DAB2IP: variants seen among roughly 807,000 people sequenced by gnomAD.
DAB2IP encodes the protein disabled homolog 2-interacting protein.
Under a neutral mutation model 107.2 loss-of-function variants are expected in DAB2IP, and 28 were observed. The observed-to-expected ratio is 0.26, with a 90% CI of 0.19 to 0.36. DAB2IP has a LOEUF of 0.36. Among genes scored for constraint, DAB2IP ranks in the 10% least tolerant of loss-of-function variants. The pLI is 1.00. For synonymous variants in DAB2IP, 755 were observed against 706.4 expected, an observed-to-expected ratio of 1.07 and a Z score of -1.09; for missense variants, 1,400 against 1,644.7, an observed-to-expected ratio of 0.85 and a Z score of 2.57.
Position 121,638,816 on chromosome 9 carries a change from G to A in DAB2IP, c.41-39862G>A, listed in dbSNP as rs185858741. Among the ~76,000 whole-genome samples, 3 of 152,294 alleles carry A rather than the reference G, an allele frequency of 2.0e-5. No individual in the cohort carries two copies. The East Asian group carries it at 5.8e-4, about 29-fold the overall frequency. ...GAGATGTCAATGAAGGTGATGAGGT[G>A]GACAGCCTCAAGCTGGAATTTGGAG... On this transcript the variant is annotated intron_variant, in intron 1 of 16. Coordinates refer to the DAB2IP transcript ENST00000259371.
chr9:121,737,680 C>T lies in DAB2IP; in HGVS notation c.363-19333C>T, dbSNP rs1017653450. 1.7e-5 allele frequency: 17 copies of T among 985,316 alleles called. No individual in the cohort carries two copies. In the African/African-American group the frequency reaches 2.4e-4, roughly 14 times the overall value. 61.0% of individuals were successfully genotyped at this position (985,316 alleles called of 1,614,324 possible). On this transcript the variant is annotated intron_variant, in intron 3 of 15. Coordinates refer to ENST00000408936, the Ensembl canonical transcript of DAB2IP. ...CTCGGGGGTTGCAAGTGCCCAGAAC[C>T]AGGTCAGCAGAGAGGCCTGCGCTCC...
At chr9:121,693,865 G>C (rs1035502754) in intron 2 of DAB2IP, among the ~76,000 whole-genome samples, 1 of 152,204 alleles carries the variant, frequency 6.6e-6, no homozygotes, top group African/African-American at 2.4e-5. Flanking sequence ...TCAGTGCTTC[G>C]TATTCAGTTG....
rs555996 is a variant in DAB2IP at position 121,634,032 on chromosome 9, C to A, written c.41-44646C>A. The stretch of plus-strand genomic sequence containing the variant: ...CTCTGCCTTGGGCCCTTGTTCGAGA[C>A]TCTCTGTGGAAGCCTATGTGTCCCA... On this transcript the variant is annotated intron_variant, in intron 1 of 16. Coordinates refer to the DAB2IP transcript ENST00000259371. This position sits in a 1 kb window ranked among gnomAD's most constrained non-coding sequence, Gnocchi z 4.7. Among the ~76,000 whole-genome samples the A allele has an allele frequency of 2.0e-5, 3 of 152,014 alleles. No individual in the cohort carries two copies. The highest frequency in any genetic ancestry group is 4.4e-5 in the Non-Finnish European group (3 of 67,994).
rs964005238 is a variant in DAB2IP at position 121,651,969 on chromosome 9, G to A, written c.124+70G>A. On this transcript the variant is annotated intron_variant, in intron 1 of 15. Transcript: ENST00000408936. The surrounding 1 kb of genome is among the most constrained non-coding windows in gnomAD (Gnocchi z 5.1). ...ACTAAGCCACCTGATGCCCTGGGAT[G>A]CTAGGGACCGGGATCCTCCTTCCAG... The A allele has an allele frequency of 1.7e-6, 2 of 1,195,350 alleles. No individual in the cohort carries two copies. Among genetic ancestry groups the A allele is most frequent in the Non-Finnish European group, 1.1e-6 (1 of 949,084 alleles). 74.0% of individuals were successfully genotyped at this position (1,195,350 alleles called of 1,614,324 possible). A position where few individuals can be genotyped will look rare whatever the true frequency, so the allele number is the denominator to read the frequency against.
At chr9:121,725,974 T>C (rs546608892) in intron 3 of DAB2IP, among the ~76,000 whole-genome samples, 4 of 152,166 alleles carry the variant, frequency 2.6e-5, no homozygotes, top group Admixed American at 2.6e-4. Flanking sequence ...CTGGGAAATA[T>C]ATACAGTATT....
At chr9:121,741,125 G>A (rs577523343) in intron 3 of DAB2IP, among the ~76,000 whole-genome samples, 30 of 152,254 alleles carry the variant, frequency 2.0e-4, no homozygotes, top group East Asian at 5.8e-4. Context: ...TCTGATGCTC[G>A]ACACCCCCTC....
rs1033999753 is a variant in DAB2IP, at chr9:121,702,980, A to G, written c.362+3522A>G. ...GGTGCGGAGCTTAGCTCATAAATGC[A>G]GGCAGCTCTGGGGCAGGTAGGCAAG... is the stretch of plus-strand genomic sequence containing the variant. On this transcript the variant is annotated intron_variant, in intron 3 of 15. Transcript: ENST00000408936. The surrounding 1 kb of genome is among the most constrained non-coding windows in gnomAD (Gnocchi z 4.5). 5.3e-5 allele frequency among the ~76,000 whole-genome samples: 8 copies of G among 152,214 alleles called. No homozygotes were observed. Among genetic ancestry groups the G allele is most frequent in the African/African-American group, 1.9e-4 (8 of 41,450 alleles).
chr9:121,785,427 AAT>A (rs1225694503), exon 16 of DAB2IP: 1 of 152,684 alleles, frequency 6.5e-6, no homozygotes, highest in African/African-American at 2.4e-5. Flanking sequence ...TTAACTATGT[AAT>A]AATGTACAGA....
At chr9:121,574,494 A>G (rs1249977287) in intron 1 of DAB2IP, among the ~76,000 whole-genome samples, 9 of 152,146 alleles carry the variant, frequency 5.9e-5, no homozygotes, top group African/African-American at 2.2e-4. Flanking sequence ...AAGTGAAAAA[A>G]TTAGGCCAAG....
intron 11 of DAB2IP, among the ~76,000 whole-genome samples, chr9:121,771,526 C>T (rs1321666423): frequency 2.6e-5 from 4 of 151,936 alleles, no homozygotes; most frequent in Admixed American, 2.6e-4. Flanking sequence ...AGATGCAGGT[C>T]CACTGAGTCT....
chr9:121,720,563 C>A (rs1393917726), intron 3 of DAB2IP, among the ~76,000 whole-genome samples: 2 of 152,172 alleles, frequency 1.3e-5, no homozygotes, highest in Admixed American at 6.5e-5. Context: ...TCACATCTGT[C>A]AGCCAGGGAG....
rs778069876 is a variant in DAB2IP, at chr9:121,725,290, G to A, written c.362+25832G>A. 7.5e-4 allele frequency among the ~76,000 whole-genome samples: 114 copies of A among 152,322 alleles called. 1 individual carries two copies. Among genetic ancestry groups the A allele is most frequent in the Non-Finnish European group, 1.3e-3 (87 of 68,038 alleles). ...ATTCTCGACACAGCCATTGTCAGGC[G>A]TCCATGGAAAGATTGGGCCTGGCAG... On this transcript the variant is annotated intron_variant, in intron 3 of 15. Coordinates refer to ENST00000408936, the Ensembl canonical transcript of DAB2IP.
upstream of DAB2IP, among the ~76,000 whole-genome samples, chr9:121,646,670 A>G (rs1832549705): frequency 6.6e-6 from 1 of 152,060 alleles, no homozygotes; most frequent in African/African-American, 2.4e-5. Flanking sequence ...AGCCTTCCAG[A>G]CACCCATTGT....
intron 1 of DAB2IP, among the ~76,000 whole-genome samples, chr9:121,678,366 A>G (rs374214815): frequency 1.4e-4 from 21 of 152,118 alleles, no homozygotes; most frequent in African/African-American, 4.3e-4. Context: ...TGTCAGTACC[A>G]TGTGTGTGTG....
intron 1 of DAB2IP, among the ~76,000 whole-genome samples, chr9:121,567,895 G>T (rs1345328970): frequency 6.6e-6 from 1 of 152,146 alleles, no homozygotes; most frequent in Non-Finnish European, 1.5e-5. Flanking sequence ...ACTCAGCCTG[G>T]CCAGAGAGCT....
At chr9:121,756,707 A>T (rs1177040183) in intron 3 of DAB2IP, among the ~76,000 whole-genome samples, 1 of 152,250 alleles carries the variant, frequency 6.6e-6, no homozygotes, top group African/African-American at 2.4e-5. Flanking sequence ...GAGACTTCTC[A>T]GGAGCCAAGC....
rs771648243 is a variant in DAB2IP at position 121,776,404 on chromosome 9, C to G, written c.3314+13C>G. The G allele has an allele frequency of 6.6e-7, 1 of 1,513,246 alleles. No homozygotes were observed. The highest frequency in any genetic ancestry group is 1.3e-5 in the South Asian group (1 of 77,944). The allele number at this position is 1,513,246 out of a possible 1,614,324, so 93.7% of individuals were successfully genotyped here. ...GCATCATCAGCAGGTGGGGCCCACA[C>G]CTGCCTGGCCTGGCCACAGGCACAG... On this transcript the variant is annotated intron_variant, in intron 14 of 15. Transcript: ENST00000408936. The surrounding 1 kb of genome is among the most constrained non-coding windows in gnomAD (Gnocchi z 5.4).
intron 3 of DAB2IP, among the ~76,000 whole-genome samples, chr9:121,756,301 G>T (rs151223555): frequency 6.6e-6 from 1 of 152,208 alleles, no homozygotes; most frequent in Non-Finnish European, 1.5e-5. Context: ...TCTGGTCTGC[G>T]TTTGGGTGCC....
At chr9:121,690,804 G>A (rs1384844988) in intron 2 of DAB2IP, among the ~76,000 whole-genome samples, 1 of 152,164 alleles carries the variant, frequency 6.6e-6, no homozygotes, top group Non-Finnish European at 1.5e-5. Context: ...CTGCCCTGGG[G>A]AAGGGATTAC....
Sources: gnomAD v4.1 joint callset for allele counts (sites outside exome capture counted in the v4.1 genomes callset) on GRCh38, gnomAD v4.1.1 for gene constraint, Gnocchi (gnomAD v3.1) non-coding constraint, MANE v1.5 for transcripts, NCBI Gene and HGNC (gene_info 2026-07-23, HGNC 2026-07-21) for gene names.